The following CA10 variants were observed in gnomAD, a reference collection of about 807,000 sequenced individuals.
CA10 encodes carbonic anhydrase-related protein 10.
Under a neutral mutation model 44.2 loss-of-function variants are expected in CA10, and 14 were observed. The observed-to-expected ratio is 0.32, with a 90% confidence interval of 0.21 to 0.50. CA10 has a LOEUF of 0.50. Among genes scored for constraint, CA10 ranks in the 20% least tolerant of loss-of-function variants. CA10 has a pLI of 0.99. For synonymous variants in CA10, 159 were observed against 141.6 expected, an observed-to-expected ratio of 1.12 and a Z score of -0.87; for missense variants, 350 against 409.7, an observed-to-expected ratio of 0.85 and a Z score of 1.26.
At chr17:51,800,639 T>C (rs1166445600) in intron 3 of CA10, among the ~76,000 whole-genome samples, 1 of 152,226 alleles carries the variant, frequency 6.6e-6, no homozygotes, top group East Asian at 1.9e-4. Flanking sequence ...CATTATTTAA[T>C]ATACAACAAG....
intron 2 of CA10, among the ~76,000 whole-genome samples, chr17:51,995,627 A>C (rs1985207546): frequency 6.6e-6 from 1 of 152,106 alleles, no homozygotes; most frequent in Non-Finnish European, 1.5e-5. Flanking sequence ...TAAACAGAGA[A>C]AAGTATAGCC....
At chr17:51,932,169 C>T (rs1021989060) in intron 2 of CA10, among the ~76,000 whole-genome samples, 75 of 152,002 alleles carry the variant, frequency 4.9e-4, no homozygotes, top group African/African-American at 1.7e-3. Flanking sequence ...AGTGTGAGGT[C>T]GAGTATGTTA....
At chr17:51,667,457 T>C (rs1248884805) in intron 4 of CA10, among the ~76,000 whole-genome samples, 2 of 152,064 alleles carry the variant, frequency 1.3e-5, no homozygotes, top group African/African-American at 2.4e-5. Context: ...GTGGTATATA[T>C]GTGTGTGTAC....
At chr17:52,152,085 T>C (rs534011690) in intron 1 of CA10, among the ~76,000 whole-genome samples, 16 of 152,206 alleles carry the variant, frequency 1.1e-4, no homozygotes, top group Non-Finnish European at 2.2e-4. Context: ...GCTGAGACCC[T>C]ACCTCCAGCC....
intron 2 of CA10, among the ~76,000 whole-genome samples, chr17:51,950,807 T>C (rs189511210): frequency 2.5e-3 from 384 of 152,246 alleles, no homozygotes; most frequent in Non-Finnish European, 3.5e-3. Flanking sequence ...AAATATAGCA[T>C]ATATTTATAT....
chr17:51,820,405 A>AAC (rs1907728344), intron 3 of CA10, among the ~76,000 whole-genome samples: 3 of 39,202 alleles, frequency 7.7e-5, no homozygotes, highest in African/African-American at 5.1e-4. Flanking sequence ...GGATTCCCCT[A>AAC]CCCCCCCCCC....
At chr17:51,995,058 C>T (rs203043) in intron 2 of CA10, among the ~76,000 whole-genome samples, 150,297 of 152,110 alleles carry the variant, frequency 0.99, 74,278 homozygotes, top group East Asian at 1. Context: ...GTGAATGGAA[C>T]TGAATGTGAT....
rs117326847 is a variant in CA10, at chr17:51,636,506, A to G, written c.635-497T>C. ...ATGCGAGGAAGCACATTCCTTCCAC[A>G]GGATGGGGCCCTGAGCATTGGTGAG... is the stretch of plus-strand genomic sequence containing the variant. On this transcript the variant is annotated intron_variant, in intron 6 of 8. Transcript: ENST00000451037. Among the ~76,000 whole-genome samples, 131 of 152,290 alleles carry G rather than the reference A, an allele frequency of 8.6e-4. No individual in the cohort carries two copies. In the East Asian group the frequency reaches 0.018, roughly 21 times the overall value.
At chr17:51,852,375 C>T (rs374718494) in intron 3 of CA10, among the ~76,000 whole-genome samples, 7 of 152,088 alleles carry the variant, frequency 4.6e-5, no homozygotes, top group African/African-American at 1.4e-4. Context: ...AAAAAGCCCC[C>T]ATTAATTTTC....
chr17:51,934,639 G>T (rs1405957805), intron 2 of CA10, among the ~76,000 whole-genome samples: 1 of 152,128 alleles, frequency 6.6e-6, no homozygotes, highest in Non-Finnish European at 1.5e-5. Flanking sequence ...GGTGTGAAAA[G>T]ACTTCAGTTC....
intron 1 of CA10, among the ~76,000 whole-genome samples, chr17:52,076,941 T>C (rs1307056236): frequency 6.6e-6 from 1 of 152,102 alleles, no homozygotes; most frequent in South Asian, 2.1e-4. Flanking sequence ...TTTTTTAATG[T>C]GCAACCAGCC....
At position 51,831,663 on chromosome 17, in the gene CA10, G is replaced by GA. The variant is rs1325935891; in HGVS notation, c.280-83846dup. Among the ~76,000 whole-genome samples the GA allele has an allele frequency of 3.3e-5, 5 of 149,596 alleles. No homozygotes were observed. The East Asian group carries it at 9.8e-4, about 29-fold the overall frequency. ...AAAATGGATTGTTCCAAGGAGAAAA[G>GA]AAAAAGCAGCAGCAGCAGCAGCAGC... On this transcript the variant is annotated intron_variant, in intron 3 of 8. Coordinates refer to ENST00000451037, the MANE Select transcript of CA10 (RefSeq NM_020178.5).
intron 1 of CA10, among the ~76,000 whole-genome samples, chr17:52,102,537 C>A (rs1380794082): frequency 6.6e-6 from 1 of 152,152 alleles, no homozygotes; most frequent in African/African-American, 2.4e-5. Context: ...CTGAACCAAT[C>A]AAAAGCTGCC....
chr17:51,659,250 C>T (rs4794289), intron 4 of CA10, among the ~76,000 whole-genome samples: 126,524 of 151,716 alleles, frequency 0.83, 53,106 homozygotes, highest in Middle Eastern at 0.86. Context: ...ATCCCTCTTT[C>T]TTTGCCCCTG....
At chr17:52,097,654 A>T (rs1234109913) in intron 1 of CA10, among the ~76,000 whole-genome samples, 1 of 152,150 alleles carries the variant, frequency 6.6e-6, no homozygotes, top group Non-Finnish European at 1.5e-5. Flanking sequence ...TCATTCATTC[A>T]CATACTTACT....
chr17:52,109,469 C>T (rs1988743983), intron 1 of CA10, among the ~76,000 whole-genome samples: 2 of 152,172 alleles, frequency 1.3e-5, no homozygotes, highest in South Asian at 4.1e-4. Flanking sequence ...AGTGTGAGTA[C>T]CTTCCAGAAC....
chr17:52,097,032 C>T (rs894436063), intron 1 of CA10, among the ~76,000 whole-genome samples: 3 of 152,074 alleles, frequency 2.0e-5, no homozygotes, highest in African/African-American at 7.2e-5. Context: ...CCCACTTCTG[C>T]CATTTTTAGC....
At chr17:52,107,810 C>T (rs1340964584) in intron 1 of CA10, among the ~76,000 whole-genome samples, 3 of 152,140 alleles carry the variant, frequency 2.0e-5, no homozygotes, top group South Asian at 2.1e-4. Context: ...TCAAAGAAGA[C>T]ATTTGCTCAG....
In CA10 at chr17:52,041,950, C is replaced by G. The variant is rs529819680; in HGVS notation, c.136+30369G>C. Among the ~76,000 whole-genome samples the G allele has an allele frequency of 1.3e-3, 205 of 152,126 alleles. 5 individuals are homozygous for G. The South Asian group carries it at 0.023, about 17-fold the overall frequency. Reference sequence around the variant, plus strand: ...TTTTTTACAACTAAATAATATTCCTCTGTGTGTGTCTGTGAGAAAATCACA... The same window carrying G: ...TTTTTTACAACTAAATAATATTCCTGTGTGTGTGTCTGTGAGAAAATCACA... On this transcript the variant is annotated intron_variant, in intron 2 of 8. Transcript: ENST00000451037.
Sources: gnomAD v4.1 joint callset for allele counts (sites outside exome capture counted in the v4.1 genomes callset) on GRCh38, gnomAD v4.1.1 for gene constraint, MANE v1.5 for transcripts, NCBI Gene and HGNC (gene_info 2026-07-23, HGNC 2026-07-21) for gene names.